Variants in SLC25A30 observed in about 807,000 individuals in gnomAD.
SLC25A30 encodes the protein solute carrier family 25 member 30.
Under a neutral mutation model 42.7 loss-of-function variants are expected in SLC25A30, and 29 were observed. That is an observed-to-expected ratio of 0.68 (90% CI 0.51 to 0.93). SLC25A30 has a LOEUF of 0.93. SLC25A30 is among the 40% of genes least tolerant of loss of function. SLC25A30 has a pLI of 0.00. For synonymous variants in SLC25A30, 124 were observed against 131.0 expected (o/e 0.95, Z 0.37); for missense variants, 300 against 359.7 (o/e 0.83, Z 1.34).
At position 45,404,335 on chromosome 13, in the gene SLC25A30, C is replaced by G. The variant is rs1238924837; in HGVS notation, c.385G>C (p.Val129Leu). The change falls in exon 5 of 10, where the codon GTT (valine) becomes CTT (leucine). Residue 129 changes from valine to leucine, a missense_variant. Val to Leu is a conservative substitution (Grantham distance 32). Coordinates refer to ENST00000519676, the MANE Select transcript of SLC25A30 (RefSeq NM_001010875.4). Reference protein sequence around the residue: ...ISSTIANPTDVLKIRMQAQSN... With the variant: ...ISSTIANPTDLLKIRMQAQSN... ...TAGATAGCACAGCTTACTTTCAAAA[C>G]ATCAGTTGGATTAGCAATGGTTGAA... 5 of 1,610,620 alleles carry G rather than the reference C, an allele frequency of 3.1e-6. No homozygotes were observed. The highest frequency in any genetic ancestry group is 4.2e-6 in the Non-Finnish European group (5 of 1,177,042).
At position 45,394,642 on chromosome 13, in the gene SLC25A30, G is replaced by A; in HGVS notation, c.*1332C>T. Reference sequence around the variant, plus strand: ...AAAAGACTAAGATGAAGACAAGAAGGAAGAGGGCTCTTTCTCTGAAGCAGG... The same window carrying A: ...AAAAGACTAAGATGAAGACAAGAAGAAAGAGGGCTCTTTCTCTGAAGCAGG... On this transcript the variant is annotated 3_prime_UTR_variant, in exon 10 of 10. Transcript: ENST00000519676. The A allele has an allele frequency of 6.1e-6, 6 of 985,334 alleles. No homozygotes were observed. Among genetic ancestry groups the A allele is most frequent in the Non-Finnish European group, 7.2e-6 (6 of 829,896 alleles). 61.0% of individuals were successfully genotyped at this position (985,334 alleles called of 1,614,324 possible).
rs1384081632 is a variant in SLC25A30 at position 45,393,913 on chromosome 13, T to C, written c.*2061A>G. ...AATAATACTGTCTGACATTCGCTCT[T>C]TACATGGTCATTAAAATGAATTTGC... On this transcript the variant is annotated 3_prime_UTR_variant, in exon 10 of 10. Transcript: ENST00000519676. 1.0e-6 allele frequency: 1 copy of C among 985,306 alleles called. No individual in the cohort carries two copies. The highest frequency in any genetic ancestry group is 1.1e-4 in the East Asian group (1 of 8,828). The allele number at this position is 985,306 out of a possible 1,614,324, so 61.0% of individuals were successfully genotyped here. A position where few individuals can be genotyped will look rare whatever the true frequency, so the allele number is the denominator to read the frequency against.
At chr13:45,426,245 C>G in the SLC25A30 span, among the ~76,000 whole-genome samples, 1 of 151,834 alleles carries the variant, frequency 6.6e-6, no homozygotes. Flanking sequence ...CGCCACCACG[C>G]CCAGCTAATT....
chr13:45,416,007 TTA>T (rs1883497737), intron 1 of SLC25A30, among the ~76,000 whole-genome samples: 1 of 150,944 alleles, frequency 6.6e-6, no homozygotes, highest in Non-Finnish European at 1.5e-5. Context: ...ACCATGTTGG[TTA>T]GGCTGGTCTC....
At chr13:45,426,725 C>T in the SLC25A30 span, among the ~76,000 whole-genome samples, 1 of 152,124 alleles carries the variant, frequency 6.6e-6, no homozygotes, top group Admixed American at 6.5e-5. Flanking sequence ...ACAAGATTCT[C>T]TTAATACAAT....
At chr13:45,402,990 T>C (rs1354706546) in intron 5 of SLC25A30, among the ~76,000 whole-genome samples, 1 of 152,236 alleles carries the variant, frequency 6.6e-6, no homozygotes, top group Non-Finnish European at 1.5e-5. Context: ...GAAAGATTTT[T>C]TACTACAAAA....
At chr13:45,410,613 A>G (rs1882925883) in intron 2 of SLC25A30, among the ~76,000 whole-genome samples, 1 of 151,982 alleles carries the variant, frequency 6.6e-6, no homozygotes, top group Admixed American at 6.6e-5. Context: ...GGGAGTCGAG[A>G]CCAGCCTGGG....
chr13:45,400,948 T>C, intron 7 of SLC25A30, 135 bp downstream of exon 7: 1 of 673,090 alleles, frequency 1.5e-6, no homozygotes, highest in East Asian at 2.8e-5. Context: ...CAGCTGCCTA[T>C]GTAGAGGAAT....
rs993899292 is a variant in SLC25A30 at position 45,401,167 on chromosome 13, C to T, written c.530G>A (p.Gly177Asp). The change falls in exon 7 of 10, where the codon GGT becomes GAT. Residue 177 changes from glycine (G) to aspartate (D), a missense_variant. Coordinates refer to ENST00000519676, the MANE Select transcript of SLC25A30 (RefSeq NM_001010875.4). ...GATGTCATAGACCGGCAGCTCCACA[C>T]CAACAACAATAGCAGCCCTCTGCGC... The part of the protein sequence containing the change: ...LTAQRAAIVV[G>D]VELPVYDITK... The T allele has an allele frequency of 2.2e-5, 35 of 1,613,928 alleles. No individual in the cohort carries two copies. The highest frequency in any genetic ancestry group is 2.9e-5 in the Non-Finnish European group (34 of 1,179,984).
At chr13:45,433,788 T>C in the SLC25A30 span, among the ~76,000 whole-genome samples, 1 of 152,142 alleles carries the variant, frequency 6.6e-6, no homozygotes, top group Non-Finnish European at 1.5e-5. Context: ...AGAAATGCAT[T>C]TTACATAATA....
At chr13:45,412,372 G>T (rs1883108851) in intron 1 of SLC25A30, among the ~76,000 whole-genome samples, 1 of 152,104 alleles carries the variant, frequency 6.6e-6, no homozygotes, top group Non-Finnish European at 1.5e-5. Flanking sequence ...GGGAAAAGAG[G>T]TGAGAGCCAC....
chr13:45,401,298 T>C, intron 6 of SLC25A30, 91 bp from the exon 7 acceptor site: 1 of 1,339,366 alleles, frequency 7.5e-7, no homozygotes, highest in Non-Finnish European at 1.0e-6. Flanking sequence ...CCATAAACTA[T>C]GATCAAGGTT....
chr13:45,428,278 G>C, the SLC25A30 span, among the ~76,000 whole-genome samples: 1 of 149,972 alleles, frequency 6.7e-6, no homozygotes, highest in Non-Finnish European at 1.5e-5. Flanking sequence ...GTGCAATCTC[G>C]GCTCACTGCA....
intron 2 of SLC25A30, among the ~76,000 whole-genome samples, chr13:45,410,542 T>A (rs577049994): frequency 6.6e-6 from 1 of 150,794 alleles, no homozygotes; most frequent in South Asian, 2.1e-4. Context: ...CGTGCACATC[T>A]GTAGTCTCAC....
At position 45,396,009 on chromosome 13, in the gene SLC25A30, C is replaced by T; in HGVS notation, c.841G>A (p.Val281Met). 6.2e-7 allele frequency: 1 copy of T among 1,614,172 alleles called. No homozygotes were observed. ...AATTTCTTCAACTGCTCGTATGTCA[C>T]AAAGAACTGTGGTTATGGGTTAAGG... ...RLGPWNIIFF[V>M]TYEQLKKLDL is the part of the protein sequence containing the mutation. Residue 281 changes from valine to methionine, a missense_variant, in exon 10 of 10, where the codon GTG becomes ATG. Coordinates refer to ENST00000519676, the MANE Select transcript of SLC25A30 (RefSeq NM_001010875.4).
intron 3 of SLC25A30, among the ~76,000 whole-genome samples, chr13:45,407,357 G>A (rs1051531483): frequency 6.6e-6 from 1 of 151,840 alleles, no homozygotes; most frequent in African/African-American, 2.4e-5. Flanking sequence ...CTGGGCAACC[G>A]AGTGAAACGC....
chr13:45,419,149 A>AAT (rs1555288863), upstream of SLC25A30, among the ~76,000 whole-genome samples: 1 of 143,148 alleles, frequency 7.0e-6, no homozygotes, highest in Non-Finnish European at 1.5e-5. Context: ...AAAAAAAAAA[A>AAT]AAGAAAGAAA....
the SLC25A30 span, among the ~76,000 whole-genome samples, chr13:45,425,116 T>TGTATATATACATA: frequency 4.4e-4 from 7 of 15,864 alleles, no homozygotes; most frequent in African/African-American, 6.0e-4. Flanking sequence ...ATAAATATAT[T>TGTATATATACATA]TATAAATATA....
At chr13:45,424,430 T>C in the SLC25A30 span, among the ~76,000 whole-genome samples, 1 of 59,534 alleles carries the variant, frequency 1.7e-5, no homozygotes, top group African/African-American at 8.0e-5. Context: ...TATATGAATA[T>C]ATATATAAAT....
Sources: gnomAD v4.1 joint callset for allele counts (sites outside exome capture counted in the v4.1 genomes callset) on GRCh38, gnomAD v4.1.1 for gene constraint, MANE v1.5 for transcripts, NCBI Gene and HGNC (gene_info 2026-07-23, HGNC 2026-07-21) for gene names.